Variants in KATNAL1 observed in about 807,000 individuals in gnomAD.
The protein encoded by KATNAL1 is katanin p60 ATPase-containing subunit A-like 1.
Under a neutral mutation model 55.2 loss-of-function variants are expected in KATNAL1, and 32 were observed. That is an observed-to-expected ratio of 0.58 (90% confidence interval 0.44 to 0.78). KATNAL1 has a LOEUF of 0.78. Among genes scored for constraint, KATNAL1 ranks in the 30% least tolerant of loss-of-function variants. The pLI, the probability that KATNAL1 is intolerant of heterozygous loss-of-function variation, is 0.00. For missense variants in KATNAL1, 466 were observed against 600.9 expected, an observed-to-expected ratio of 0.78 and a Z score of 2.35; for synonymous variants, 193 against 193.6, an observed-to-expected ratio of 1.00 and a Z score of 0.02.
At chr13:30,230,650 A>T (rs1441992320) in intron 7 of KATNAL1, 56 bp from the exon 8 acceptor site, 2 of 1,343,736 alleles carry the variant, frequency 1.5e-6, no homozygotes, top group East Asian at 2.5e-5. Flanking sequence ...CAATTGGAGT[A>T]TTTAAAAAAA....
chr13:30,283,292 G>GAAAAA (rs1491096718), intron 2 of KATNAL1, among the ~76,000 whole-genome samples: 4 of 83,388 alleles, frequency 4.8e-5, no homozygotes, highest in African/African-American at 2.0e-4. Context: ...AAAAAAAAAA[G>GAAAAA]GAATGAATGA....
At chr13:30,265,381 A>T (rs1879672411) in intron 3 of KATNAL1, among the ~76,000 whole-genome samples, 1 of 146,444 alleles carries the variant, frequency 6.8e-6, no homozygotes. Context: ...AATAATAATA[A>T]ATTTAAAAAA....
At position 30,208,183 on chromosome 13, in the gene KATNAL1, C is replaced by G. The variant is rs1873325944; in HGVS notation, c.*357G>C. On this transcript the variant is annotated 3_prime_UTR_variant, in exon 11 of 11. Coordinates refer to ENST00000380615, the MANE Select transcript of KATNAL1 (RefSeq NM_032116.5). Reference sequence around the variant, plus strand: ...AGATAGGTCCCTCATGTTGACAGAGCACAGAATTGGAAAAAAAAACTGCAA... The same window carrying G: ...AGATAGGTCCCTCATGTTGACAGAGGACAGAATTGGAAAAAAAAACTGCAA... The G allele has an allele frequency of 6.0e-6, 1 of 166,356 alleles. No homozygotes were observed. Among genetic ancestry groups the G allele is most frequent in the African/African-American group, 2.4e-5 (1 of 41,618 alleles). The allele number at this position is 166,356 out of a possible 1,614,324, so 10.3% of individuals were successfully genotyped here. A position where few individuals can be genotyped will look rare whatever the true frequency, so the allele number is the denominator to read the frequency against.
chr13:30,260,846 A>T lies in KATNAL1; in HGVS notation c.324-5231T>A, dbSNP rs9670333. ...CCAATCTAGCAAGGCAGGCCAACAT[A>T]CAGATTCAGGAAATACAGAGAACGC... On this transcript the variant is annotated intron_variant, in intron 3 of 10. Transcript: ENST00000380615. Among the ~76,000 whole-genome samples the T allele has an allele frequency of 5.5e-3, 726 of 131,950 alleles. 8 individuals carry two copies. Among genetic ancestry groups the T allele is most frequent in the Middle Eastern group, 0.012 (3 of 244 alleles). The allele number at this position is 131,950 out of a possible 152,430, so 86.6% of individuals were successfully genotyped here.
chr13:30,291,805 G>A (rs767202692), intron 1 of KATNAL1, among the ~76,000 whole-genome samples: 4 of 152,120 alleles, frequency 2.6e-5, no homozygotes, highest in Non-Finnish European at 4.4e-5. Flanking sequence ...GGAAGCCGAG[G>A]AGAGTGGATC....
intron 3 of KATNAL1, among the ~76,000 whole-genome samples, chr13:30,260,154 T>G (rs1355813004): frequency 1.3e-5 from 2 of 152,150 alleles, no homozygotes; most frequent in Non-Finnish European, 2.9e-5. Context: ...GACCTGCAGC[T>G]GAGGGTCCTG....
rs760792693 is a variant in KATNAL1 at position 30,228,078 on chromosome 13, A to G, written c.1013-532T>C. On this transcript the variant is annotated intron_variant, in intron 8 of 10. Transcript: ENST00000380615. Reference sequence around the variant, plus strand: ...CTTTTAAGTGACCTGTAAAAAATAAATAAGACATTTAAGAATGAACCCAGT... The same window carrying G: ...CTTTTAAGTGACCTGTAAAAAATAAGTAAGACATTTAAGAATGAACCCAGT... Among the ~76,000 whole-genome samples the G allele has an allele frequency of 5.3e-5, 8 of 152,322 alleles. No homozygotes were observed. The East Asian group carries it at 1.5e-3, about 29-fold the overall frequency.
At chr13:30,296,643 A>T (rs527793535) in intron 1 of KATNAL1, 1 of 688,190 alleles carries the variant, frequency 1.5e-6, no homozygotes, top group Non-Finnish European at 2.7e-6. Context: ...GGACGAGCAC[A>T]GGGAAGTTTG....
chr13:30,291,818 C>T (rs1253178942), intron 1 of KATNAL1, among the ~76,000 whole-genome samples: 1 of 151,980 alleles, frequency 6.6e-6, no homozygotes, highest in Non-Finnish European at 1.5e-5. Flanking sequence ...AGTGGATCAC[C>T]TAAGGTTGAG....
intron 1 of KATNAL1, among the ~76,000 whole-genome samples, chr13:30,298,254 A>T (rs1882648682): frequency 6.6e-6 from 1 of 152,226 alleles, no homozygotes; most frequent in South Asian, 2.1e-4. Flanking sequence ...AGAATGCAAA[A>T]TAAATAAACT....
Position 30,207,562 on chromosome 13 carries a change from C to T in KATNAL1, c.*978G>A, listed in dbSNP as rs1053876700. ...CAAGAAAAATCAAACAATGCTGGAG[C>T]TGAGAAAAATAATGGCTATATATCT... On this transcript the variant is annotated 3_prime_UTR_variant, in exon 11 of 11. Coordinates refer to ENST00000380615, the MANE Select transcript of KATNAL1 (RefSeq NM_032116.5). 2 of 152,062 alleles carry T rather than the reference C, an allele frequency of 1.3e-5. No individual in the cohort carries two copies. The highest frequency in any genetic ancestry group is 4.8e-5 in the African/African-American group (2 of 41,372). The allele number at this position is 152,062 out of a possible 1,614,324, so 9.4% of individuals were successfully genotyped here. A position where few individuals can be genotyped will look rare whatever the true frequency, so the allele number is the denominator to read the frequency against.
chr13:30,211,614 T>G (rs1873696519), intron 9 of KATNAL1, among the ~76,000 whole-genome samples: 1 of 152,236 alleles, frequency 6.6e-6, no homozygotes, highest in Non-Finnish European at 1.5e-5. Context: ...CATTTTGTTT[T>G]GTCTTTCATG....
intron 9 of KATNAL1, among the ~76,000 whole-genome samples, chr13:30,211,580 T>C (rs1873692649): frequency 6.6e-6 from 1 of 152,196 alleles, no homozygotes; most frequent in African/African-American, 2.4e-5. Context: ...TCTAAAACAG[T>C]TCCCCAGTGT....
intron 1 of KATNAL1, among the ~76,000 whole-genome samples, chr13:30,299,117 A>G (rs1175810322): frequency 6.6e-6 from 1 of 152,184 alleles, no homozygotes; most frequent in Non-Finnish European, 1.5e-5. Context: ...CAATGAAATA[A>G]TATCTTCCAA....
chr13:30,305,641 A>C (rs1172703147), intron 1 of KATNAL1, among the ~76,000 whole-genome samples: 1 of 152,246 alleles, frequency 6.6e-6, no homozygotes, highest in Non-Finnish European at 1.5e-5. Context: ...TTTGAGGATT[A>C]AGTAAGGAGT....
chr13:30,204,198 T>A lies in KATNAL1; in HGVS notation c.*4342A>T, dbSNP rs1159938617. On this transcript the variant is annotated 3_prime_UTR_variant, in exon 11 of 11. Coordinates refer to ENST00000380615, the MANE Select transcript of KATNAL1 (RefSeq NM_032116.5). ...AAAGAGAATAGTTAGGATTTTTTCC[T>A]CATACAAGTTAAGGTGGCCTTTTCT... 1 of 152,218 alleles carries A rather than the reference T, an allele frequency of 6.6e-6. No individual in the cohort carries two copies. Among genetic ancestry groups the A allele is most frequent in the Non-Finnish European group, 1.5e-5 (1 of 68,028 alleles). The allele number at this position is 152,218 out of a possible 1,614,324, so 9.4% of individuals were successfully genotyped here.
intron 3 of KATNAL1, among the ~76,000 whole-genome samples, chr13:30,272,235 T>C (rs893133634): frequency 1.3e-5 from 2 of 152,126 alleles, no homozygotes; most frequent in African/African-American, 4.8e-5. Flanking sequence ...CCGTCTCTAC[T>C]AAAAATACAA....
chr13:30,229,716 C>A (rs556730155), intron 8 of KATNAL1, among the ~76,000 whole-genome samples: 1 of 150,254 alleles, frequency 6.7e-6, no homozygotes, highest in Non-Finnish European at 1.5e-5. Context: ...AGACTCTGAA[C>A]CTTAAACAAA....
chr13:30,222,858 C>T (rs558066555), intron 9 of KATNAL1, among the ~76,000 whole-genome samples: 1 of 152,204 alleles, frequency 6.6e-6, no homozygotes, highest in South Asian at 2.1e-4. Flanking sequence ...TTTGGGAGGC[C>T]AAGGTGGGTG....
Sources: gnomAD v4.1 joint callset for allele counts (sites outside exome capture counted in the v4.1 genomes callset) on GRCh38, gnomAD v4.1.1 for gene constraint, MANE v1.5 for transcripts, NCBI Gene and HGNC (gene_info 2026-07-23, HGNC 2026-07-21) for gene names.